The following ARHGEF28 variants were observed in gnomAD, a reference collection of about 807,000 sequenced individuals.
ARHGEF28 encodes Rho guanine nucleotide exchange factor 28.
Under a neutral mutation model 206.6 loss-of-function variants are expected in ARHGEF28, and 152 were observed. That is an observed-to-expected ratio of 0.74 (90% CI 0.64 to 0.84). The LOEUF (loss-of-function observed/expected upper bound fraction) is 0.84. Ranked by LOEUF, ARHGEF28 falls within the 40% of genes least tolerant of loss-of-function variation. The pLI is 0.00. For missense variants in ARHGEF28, 2,028 were observed against 2,073.2 expected (o/e 0.98, Z 0.42); for synonymous variants, 763 against 776.4 (o/e 0.98, Z 0.29).
chr5:73,859,750 T>A (rs1315801360), intron 16 of ARHGEF28, among the ~76,000 whole-genome samples: 1 of 152,144 alleles, frequency 6.6e-6, no homozygotes, highest in Non-Finnish European at 1.5e-5. Context: ...GTGATGGGCA[T>A]GTGTTTCCTA....
rs987181405 is a variant in ARHGEF28 at position 73,883,634 on chromosome 5, C to T, written c.2938-133C>T. The T allele has an allele frequency of 1.4e-5, 7 of 483,414 alleles. No homozygotes were observed. In the East Asian group the frequency reaches 2.0e-4, roughly 14 times the overall value. The allele number at this position is 483,414 out of a possible 1,614,324, so 29.9% of individuals were successfully genotyped here. ...GCAATTTAAATTAGTGATAATGCAT[C>T]GTTTTAATTGATAGCAATGAATGTT... On this transcript the variant is annotated intron_variant, in intron 23 of 35. Coordinates refer to ENST00000513042, the MANE Select transcript of ARHGEF28 (RefSeq NM_001177693.2).
intron 22 of ARHGEF28, among the ~76,000 whole-genome samples, chr5:73,881,682 A>G (rs1230819026): frequency 1.3e-5 from 2 of 152,196 alleles, no homozygotes; most frequent in African/African-American, 2.4e-5. Flanking sequence ...TTCCATTACA[A>G]TGCTCTTCAA....
intron 2 of ARHGEF28, among the ~76,000 whole-genome samples, chr5:73,715,245 T>C (rs1749511238): frequency 6.6e-6 from 1 of 152,174 alleles, no homozygotes; most frequent in South Asian, 2.1e-4. Context: ...CTGTCCAAGG[T>C]GGAGTCTGGC....
chr5:73,841,997 A>C (rs951267013), intron 11 of ARHGEF28, among the ~76,000 whole-genome samples: 2 of 152,156 alleles, frequency 1.3e-5, no homozygotes, highest in African/African-American at 4.8e-5. Context: ...ATATATAAAA[A>C]CTCATTGAAA....
intron 10 of ARHGEF28, among the ~76,000 whole-genome samples, chr5:73,839,793 G>C (rs960170691): frequency 6.6e-6 from 1 of 152,142 alleles, no homozygotes; most frequent in Non-Finnish European, 1.5e-5. Context: ...TTCTTCTAAT[G>C]ATGCTATGTA....
rs1452079806 is a variant in ARHGEF28, at chr5:73,941,050, G to A, written c.*37G>A. ...TTTTTCCAAACAAAACAAAACACTG[G>A]CACTTTTGGGAGAAACTTTTTGTCT... On this transcript the variant is annotated 3_prime_UTR_variant, in exon 36 of 36. Transcript: ENST00000513042. 1.9e-5 allele frequency: 27 copies of A among 1,421,866 alleles called. No homozygotes were observed. Among genetic ancestry groups the A allele is most frequent in the Non-Finnish European group, 2.5e-5 (27 of 1,093,064 alleles). 88.1% of individuals were successfully genotyped at this position (1,421,866 alleles called of 1,614,324 possible).
intron 4 of ARHGEF28, among the ~76,000 whole-genome samples, chr5:73,765,030 A>T (rs969501665): frequency 1.3e-5 from 2 of 152,128 alleles, no homozygotes; most frequent in African/African-American, 4.8e-5. Flanking sequence ...CATTTTTGGC[A>T]TTTTATAAAT....
At chr5:73,890,091 T>G (rs61542295) in intron 26 of ARHGEF28, among the ~76,000 whole-genome samples, 8,473 of 152,326 alleles carry the variant, frequency 0.056, 771 homozygotes, top group African/African-American at 0.19. Flanking sequence ...GGTACTTCCA[T>G]TCCTGGAGAG....
chr5:73,659,553 G>A (rs1348693311), intron 1 of ARHGEF28, among the ~76,000 whole-genome samples: 1 of 151,836 alleles, frequency 6.6e-6, no homozygotes. Context: ...AGTTTGTTAT[G>A]TGTTTGTGAG....
chr5:73,813,220 A>T (rs774509013), intron 9 of ARHGEF28, among the ~76,000 whole-genome samples: 6 of 152,072 alleles, frequency 3.9e-5, no homozygotes, highest in Non-Finnish European at 7.4e-5. Context: ...TTCAATTCCC[A>T]GTTACCTTCC....
At chr5:73,931,307 A>T (rs1005697670) in intron 35 of ARHGEF28, among the ~76,000 whole-genome samples, 2 of 152,080 alleles carry the variant, frequency 1.3e-5, no homozygotes, top group African/African-American at 4.8e-5. Flanking sequence ...TCTGAATTTT[A>T]TCACATGTTT....
At chr5:73,792,243 G>T (rs4597943) in intron 7 of ARHGEF28, among the ~76,000 whole-genome samples, 86,084 of 151,960 alleles carry the variant, frequency 0.57, 25,518 homozygotes, top group African/African-American at 0.76. Flanking sequence ...ATAGTTTGTG[G>T]TACTTGTTCT....
chr5:73,677,352 C>T (rs914733187), intron 1 of ARHGEF28, among the ~76,000 whole-genome samples: 1 of 152,020 alleles, frequency 6.6e-6, no homozygotes, highest in Non-Finnish European at 1.5e-5. Flanking sequence ...ATGATAATTG[C>T]GGAATATTGA....
At position 73,897,451 on chromosome 5, in the gene ARHGEF28, A is replaced by G. The variant is rs151330230; in HGVS notation, c.3842-511A>G. ...GTAAGTCTGGAGCCAAAGACTGGGA[A>G]TCTGTATTTCTAAAGATAAGTGTAG... On this transcript the variant is annotated intron_variant, in intron 29 of 35. Transcript: ENST00000513042. 9.8e-4 allele frequency among the ~76,000 whole-genome samples: 150 copies of G among 152,358 alleles called. 2 individuals carry two copies. The highest frequency in any genetic ancestry group is 5.1e-3 in the Admixed American group (78 of 15,312).
At chr5:73,639,309 T>C (rs1743925517) in intron 1 of ARHGEF28, among the ~76,000 whole-genome samples, 1 of 150,522 alleles carries the variant, frequency 6.6e-6, no homozygotes, top group South Asian at 2.1e-4. Flanking sequence ...AAATTAGAAA[T>C]CATCTTTTTC....
At chr5:73,864,030 G>T (rs1412577071) in intron 16 of ARHGEF28, among the ~76,000 whole-genome samples, 2 of 152,108 alleles carry the variant, frequency 1.3e-5, no homozygotes, top group East Asian at 3.9e-4. Flanking sequence ...GATTCATTCT[G>T]CATACATTTC....
At chr5:73,671,727 TATATATATATA>T (rs1259905458) in intron 1 of ARHGEF28, among the ~76,000 whole-genome samples, 2 of 8,322 alleles carry the variant, frequency 2.4e-4, no homozygotes, top group East Asian at 2.8e-3. Context: ...TATATATATA[TATATATATATA>T]TTTTTTTTTT....
chr5:73,858,214 G>A lies in ARHGEF28; in HGVS notation c.2042G>A (p.Cys681Tyr), dbSNP rs1267727337. ...KTLLGKESLQ[C>Y]SNCNANVHKG... ...CTCCTGGGGAAAGAGTCACTGCAGT[G>A]TTCTAGTAAGTTCTCAGGTCTATGT... The change falls in exon 16 of 36, where the codon TGT becomes TAT. Residue 681 changes from cysteine to tyrosine, a missense_variant. Around this residue, in one of 3 missense-constraint regions of ARHGEF28, gnomAD observed 1,002 missense variants for 1,015.3 expected, o/e 0.99. Coordinates refer to ENST00000513042, the MANE Select transcript of ARHGEF28 (RefSeq NM_001177693.2). 2 of 1,583,790 alleles carry A rather than the reference G, an allele frequency of 1.3e-6. No individual in the cohort carries two copies. Among genetic ancestry groups the A allele is most frequent in the African/African-American group, 1.4e-5 (1 of 73,338 alleles).
rs556554037 is a variant in ARHGEF28 at position 73,772,956 on chromosome 5, T to C, written c.476-899T>C. 3.9e-5 allele frequency among the ~76,000 whole-genome samples: 6 copies of C among 152,326 alleles called. No individual in the cohort carries two copies. In the South Asian group the frequency reaches 1.2e-3, roughly 32 times the overall value. ...TAGCGTTAATATGGACAGGAAACTG[T>C]GGAGAAGTAGGTCATTTTGTTCTCA... On this transcript the variant is annotated intron_variant, in intron 4 of 35. Coordinates refer to ENST00000513042, the MANE Select transcript of ARHGEF28 (RefSeq NM_001177693.2).
Sources: allele counts gnomAD v4.1 joint callset (sites outside exome capture counted in the v4.1 genomes callset), GRCh38; gene constraint gnomAD v4.1.1; regional missense constraint gnomAD v4.1.1; transcripts MANE v1.5; gene names NCBI Gene and HGNC (gene_info 2026-07-23, HGNC 2026-07-21).